Variants in CMSS1 observed in about 807,000 individuals in gnomAD.
CMSS1 encodes protein CMSS1.
CMSS1 carries 33 observed loss-of-function variants against 43.5 expected under a neutral mutation model. The observed-to-expected ratio is 0.76, with a 90% confidence interval of 0.57 to 1.01. CMSS1 has a LOEUF of 1.01. CMSS1 is among the 50% of genes least tolerant of loss of function. CMSS1 has a pLI of 0.00. For synonymous variants in CMSS1, 115 were observed against 117.2 expected, an observed-to-expected ratio of 0.98 and a Z score of 0.12; for missense variants, 313 against 326.4, an observed-to-expected ratio of 0.96 and a Z score of 0.32.
chr3:100,067,751 A>G (rs563585272), intron 1 of CMSS1, among the ~76,000 whole-genome samples: 1 of 152,216 alleles, frequency 6.6e-6, no homozygotes, highest in South Asian at 2.1e-4. Context: ...TATATACCAC[A>G]CTACTTTGAA....
intron 1 of CMSS1, among the ~76,000 whole-genome samples, chr3:99,887,643 T>C (rs1486076369): frequency 6.6e-6 from 1 of 152,240 alleles, no homozygotes; most frequent in Non-Finnish European, 1.5e-5. Context: ...CATGGCATTG[T>C]TAGAAAATTC....
intron 1 of CMSS1, among the ~76,000 whole-genome samples, chr3:100,093,181 G>A (rs1050406718): frequency 7.2e-5 from 11 of 151,988 alleles, no homozygotes; most frequent in African/African-American, 2.2e-4. Flanking sequence ...ATCAAAACAG[G>A]GACCTCTGGC....
chr3:100,118,282 T>C (rs562856893), intron 1 of CMSS1, among the ~76,000 whole-genome samples: 1 of 152,086 alleles, frequency 6.6e-6, no homozygotes, highest in South Asian at 2.1e-4. Flanking sequence ...GGTTTTACTA[T>C]TTCTAGAAAA....
intron 1 of CMSS1, among the ~76,000 whole-genome samples, chr3:99,831,086 C>T (rs1942655204): frequency 6.6e-6 from 1 of 152,014 alleles, no homozygotes; most frequent in Admixed American, 6.6e-5. Context: ...GTATCAAGAG[C>T]CTTATGAATC....
At chr3:100,166,471 C>A in intron 5 of CMSS1, 77 bp downstream of exon 5, 2 of 1,001,786 alleles carry the variant, frequency 2.0e-6, no homozygotes, top group Non-Finnish European at 1.6e-6. Context: ...GTTTTGGTCT[C>A]GTTTTTGTTT....
Position 100,178,373 on chromosome 3 carries a change from A to G in CMSS1, c.825A>G (p.Lys275=). Residue 275 remains lysine (K), a synonymous_variant, in exon 10 of 10, where the codon AAA becomes AAG. Coordinates refer to ENST00000421999, the MANE Select transcript of CMSS1 (RefSeq NM_032359.4). Reference sequence around the variant, plus strand: ...GTCTGTGCAAGTCAGAATCCTTGAAACTGGGCCTTTTCTAAGTCTGTGTCC... The same window carrying G: ...GTCTGTGCAAGTCAGAATCCTTGAAGCTGGGCCTTTTCTAAGTCTGTGTCC... The part of the protein sequence containing the change: ...VLSLCKSESL[K]LGLF 1 of 1,611,634 alleles carries G rather than the reference A, an allele frequency of 6.2e-7. No homozygotes were observed.
At chr3:99,901,955 A>G (rs1477172736) in intron 1 of CMSS1, among the ~76,000 whole-genome samples, 1 of 152,136 alleles carries the variant, frequency 6.6e-6, no homozygotes, top group Non-Finnish European at 1.5e-5. Flanking sequence ...GCTGATAATG[A>G]TGCCAATAAA....
Position 99,929,905 on chromosome 3 carries a change from G to A in CMSS1, c.64+111862G>A, listed in dbSNP as rs563658045. 4.3e-5 allele frequency: 70 copies of A among 1,613,832 alleles called. 1 individual carries two copies. The highest frequency in any genetic ancestry group is 1.7e-4 in the Middle Eastern group (1 of 6,056). The stretch of plus-strand genomic sequence containing the variant: ...GTCCTCCTGCCAAGGGGTAGATTTC[G>A]CTTGAAAAGCATCTCTCTGGAGAGC... On this transcript the variant is annotated intron_variant, in intron 1 of 9. Coordinates refer to ENST00000421999, the MANE Select transcript of CMSS1 (RefSeq NM_032359.4).
intron 1 of CMSS1, among the ~76,000 whole-genome samples, chr3:100,075,364 C>A (rs1195571325): frequency 6.6e-6 from 1 of 152,178 alleles, no homozygotes; most frequent in Non-Finnish European, 1.5e-5. Context: ...GTGTCCTTTA[C>A]CCTACAGGAG....
intron 1 of CMSS1, chr3:99,850,770 A>T: frequency 6.2e-7 from 1 of 1,614,082 alleles, no homozygotes. Context: ...GGTCTTGGTG[A>T]AACTTTGTGG....
intron 1 of CMSS1, among the ~76,000 whole-genome samples, chr3:99,877,246 A>C (rs901814429): frequency 3.9e-5 from 6 of 152,224 alleles, no homozygotes; most frequent in Non-Finnish European, 7.3e-5. Flanking sequence ...ACCTCTTTTA[A>C]AATTACATTA....
At chr3:99,990,621 A>G (rs539547988) in intron 1 of CMSS1, among the ~76,000 whole-genome samples, 11 of 152,222 alleles carry the variant, frequency 7.2e-5, no homozygotes, top group Admixed American at 2.0e-4. Context: ...CTTAAAACCA[A>G]TTAAATCAGA....
chr3:100,000,575 C>A (rs1559720570), intron 1 of CMSS1, among the ~76,000 whole-genome samples: 1 of 152,126 alleles, frequency 6.6e-6, no homozygotes, highest in Non-Finnish European at 1.5e-5. Context: ...TCTGACCAGG[C>A]GCAGTAGCTT....
chr3:99,877,185 C>T (rs2107596867), intron 1 of CMSS1, among the ~76,000 whole-genome samples: 1 of 152,298 alleles, frequency 6.6e-6, no homozygotes, highest in East Asian at 1.9e-4. Flanking sequence ...ACGTGGCATT[C>T]TTATTTGCAA....
intron 1 of CMSS1, among the ~76,000 whole-genome samples, chr3:100,141,967 C>A (rs138050980): frequency 5.7e-3 from 873 of 152,276 alleles, no homozygotes; most frequent in Non-Finnish European, 9.7e-3. Flanking sequence ...TTTCAATATT[C>A]TCTTAATGGA....
intron 1 of CMSS1, among the ~76,000 whole-genome samples, chr3:99,882,244 G>T (rs1258960366): frequency 6.6e-6 from 1 of 152,016 alleles, no homozygotes; most frequent in East Asian, 1.9e-4. Flanking sequence ...CGTCCCTTTC[G>T]GTTCCAAATT....
chr3:100,052,411 T>TG (rs1256312518), intron 1 of CMSS1, among the ~76,000 whole-genome samples: 2 of 152,158 alleles, frequency 1.3e-5, no homozygotes, highest in East Asian at 3.8e-4. Flanking sequence ...GTAGTGGTGG[T>TG]GATGGTAGTG....
chr3:99,944,438 C>G (rs1185823205), intron 1 of CMSS1, among the ~76,000 whole-genome samples: 1 of 152,214 alleles, frequency 6.6e-6, no homozygotes, highest in Non-Finnish European at 1.5e-5. Flanking sequence ...GTCTCTCCAC[C>G]AAGCAAGACT....
At chr3:100,024,011 C>G (rs1249213358) in intron 1 of CMSS1, among the ~76,000 whole-genome samples, 1 of 152,124 alleles carries the variant, frequency 6.6e-6, no homozygotes, top group Non-Finnish European at 1.5e-5. Context: ...GTTCACTCCC[C>G]CTTCAGCTGA....
Sources: gnomAD v4.1 joint callset for allele counts (sites outside exome capture counted in the v4.1 genomes callset) on GRCh38, gnomAD v4.1.1 for gene constraint, MANE v1.5 for transcripts, NCBI Gene and HGNC (gene_info 2026-07-23, HGNC 2026-07-21) for gene names.